Variants in TRPV4 observed in about 807,000 individuals in gnomAD.
TRPV4 encodes the protein transient receptor potential cation channel subfamily V member 4.
Under a neutral mutation model 84.1 loss-of-function variants are expected in TRPV4, and 58 were observed. That is an observed-to-expected ratio of 0.69 (90% CI 0.56 to 0.86). The LOEUF (loss-of-function observed/expected upper bound fraction) is 0.86, where lower values mean the gene tolerates loss of function less well. TRPV4 is among the 40% of genes least tolerant of loss of function. The pLI is 0.00. For synonymous variants in TRPV4, 489 were observed against 500.9 expected, an observed-to-expected ratio of 0.98 and a Z score of 0.32; for missense variants, 879 against 1,181.1, an observed-to-expected ratio of 0.74 and a Z score of 3.75.
In TRPV4 at chr12:109,814,880, C is replaced by T; in HGVS notation, c.-31-53G>A. 6.7e-7 allele frequency: 1 copy of T among 1,486,510 alleles called. No homozygotes were observed. Among genetic ancestry groups the T allele is most frequent in the Middle Eastern group, 2.3e-4 (1 of 4,256 alleles). 92.1% of individuals were successfully genotyped at this position (1,486,510 alleles called of 1,614,324 possible). ...CAGAACCCGGCCAGGGGCGGGGGCTCCAGGAAGCCCCCTCCCACGTGGACA... is the reference window on the plus strand; with the variant it reads ...CAGAACCCGGCCAGGGGCGGGGGCTTCAGGAAGCCCCCTCCCACGTGGACA... On this transcript the variant is annotated intron_variant, in intron 1 of 15. Coordinates refer to ENST00000261740, the MANE Select transcript of TRPV4 (RefSeq NM_021625.5). The surrounding 1 kb of genome is among the most constrained non-coding windows in gnomAD (Gnocchi z 5.4).
chr12:109,796,182 T>A lies in TRPV4; in HGVS notation c.1332+343A>T, dbSNP rs1358338250. Among the ~76,000 whole-genome samples the A allele has an allele frequency of 6.6e-6, 1 of 152,186 alleles. No individual in the cohort carries two copies. The highest frequency in any genetic ancestry group is 1.5e-5 in the Non-Finnish European group (1 of 68,034). The stretch of plus-strand genomic sequence containing the variant: ...TGGTCCTCCCAAGAACCCCATGGGA[T>A]ATCCATGATCCTTATCCCCAGGTTA... On this transcript the variant is annotated intron_variant, in intron 7 of 15. Coordinates refer to ENST00000261740, the MANE Select transcript of TRPV4 (RefSeq NM_021625.5). The surrounding 1 kb of genome is among the most constrained non-coding windows in gnomAD (Gnocchi z 4.2).
chr12:109,806,945 G>A (rs1432920821), intron 3 of TRPV4, among the ~76,000 whole-genome samples: 5 of 151,522 alleles, frequency 3.3e-5, no homozygotes, highest in African/African-American at 1.2e-4. Flanking sequence ...ACCCTGTTTG[G>A]GAACTTAATT....
chr12:109,822,923 G>A (rs976323153), intron 1 of TRPV4, among the ~76,000 whole-genome samples: 1 of 152,204 alleles, frequency 6.6e-6, no homozygotes, highest in African/African-American at 2.4e-5. Flanking sequence ...CTATTTATTA[G>A]TATCATTAGG....
At chr12:109,820,479 C>T (rs1180461859) in intron 1 of TRPV4, among the ~76,000 whole-genome samples, 1 of 149,682 alleles carries the variant, frequency 6.7e-6, no homozygotes, top group Non-Finnish European at 1.5e-5. Context: ...GAGCAAGTTA[C>T]CCAACCTCTC....
intron 3 of TRPV4, 118 bp downstream of exon 3, chr12:109,808,178 C>T: frequency 8.3e-7 from 1 of 1,204,022 alleles, no homozygotes; most frequent in East Asian, 2.5e-5. Flanking sequence ...GTGCACTTTC[C>T]AGGCCAATGC....
chr12:109,798,548 C>A lies in TRPV4; in HGVS notation c.1152+66G>T, dbSNP rs562202267. 70 of 1,584,528 alleles carry A rather than the reference C, an allele frequency of 4.4e-5. No individual in the cohort carries two copies. The highest frequency in any genetic ancestry group is 1.7e-4 in the Admixed American group (10 of 59,624). On this transcript the variant is annotated intron_variant, in intron 6 of 15. Coordinates refer to ENST00000261740, the MANE Select transcript of TRPV4 (RefSeq NM_021625.5). The surrounding 1 kb of genome is among the most constrained non-coding windows in gnomAD (Gnocchi z 5.0). ...ATTAATAATGAATACCAGCAGCAGA[C>A]CCTCGTGTGTGTGTGCAGAGGGGTA...
intron 5 of TRPV4, among the ~76,000 whole-genome samples, chr12:109,800,170 C>T (rs1463923738): frequency 6.6e-6 from 1 of 152,158 alleles, no homozygotes; most frequent in Non-Finnish European, 1.5e-5. Flanking sequence ...GTCTTGAACT[C>T]TTGACCTCAG....
At position 109,814,351 on chromosome 12, in the gene TRPV4, A is replaced by G. The variant is rs1265542356; in HGVS notation, c.386+60T>C. 20 of 1,580,192 alleles carry G rather than the reference A, an allele frequency of 1.3e-5. No homozygotes were observed. Among genetic ancestry groups the G allele is most frequent in the Non-Finnish European group, 1.4e-5 (16 of 1,159,044 alleles). On this transcript the variant is annotated intron_variant, in intron 2 of 15. Coordinates refer to ENST00000261740, the MANE Select transcript of TRPV4 (RefSeq NM_021625.5). The surrounding 1 kb of genome is among the most constrained non-coding windows in gnomAD (Gnocchi z 5.4). ...TGGATAATAGATAGAGGGGTGGATGATGAATGGGTGAATGGATACAGAGGA... is the reference window on the plus strand; with the variant it reads ...TGGATAATAGATAGAGGGGTGGATGGTGAATGGGTGAATGGATACAGAGGA...
Position 109,814,891 on chromosome 12 carries a change from C to A in TRPV4, c.-31-64G>T. 2 of 1,469,294 alleles carry A rather than the reference C, an allele frequency of 1.4e-6. No homozygotes were observed. Among genetic ancestry groups the A allele is most frequent in the Non-Finnish European group, 1.8e-6 (2 of 1,093,198 alleles). The allele number at this position is 1,469,294 out of a possible 1,614,324, so 91.0% of individuals were successfully genotyped here. ...CAGGGGCGGGGGCTCCAGGAAGCCC[C>A]CTCCCACGTGGACAAGCAGCAGTGC... On this transcript the variant is annotated intron_variant, in intron 1 of 15. Transcript: ENST00000261740. The surrounding 1 kb of genome is among the most constrained non-coding windows in gnomAD (Gnocchi z 5.4).
rs775385702 is a variant in TRPV4, at chr12:109,796,686, G to A, written c.1171C>T (p.Arg391Trp). 17 of 1,612,790 alleles carry A rather than the reference G, an allele frequency of 1.1e-5. No homozygotes were observed. Among genetic ancestry groups the A allele is most frequent in the South Asian group, 6.6e-5 (6 of 91,034 alleles). ...GKIGIFQHII[R>W]REVTDEDTRH... ...GTGTCCTCATCCGTCACCTCCCGCC[G>A]GATGATGTGCTGAAAGATCTGCACA... The change falls in exon 7 of 16, where the codon CGG (arginine) becomes TGG (tryptophan). Residue 391 changes from arginine to tryptophan, a missense_variant. Transcript: ENST00000261740. The surrounding 1 kb of genome is among the most constrained non-coding windows in gnomAD (Gnocchi z 4.2).
chr12:109,830,633 C>A (rs541040240), intron 1 of TRPV4, among the ~76,000 whole-genome samples: 1 of 152,296 alleles, frequency 6.6e-6, no homozygotes, highest in Admixed American at 6.5e-5. Flanking sequence ...TCTGTGACAA[C>A]AAGAGGAGCT....
At chr12:109,787,007 G>T (rs1442587548) in intron 13 of TRPV4, among the ~76,000 whole-genome samples, 170 bp from the exon 14 acceptor site, 1 of 152,202 alleles carries the variant, frequency 6.6e-6, no homozygotes, top group East Asian at 1.9e-4. Flanking sequence ...CAGGTGGCAG[G>T]CAGGAAAACA....
At chr12:109,784,124 G>A (rs1476563110) in intron 15 of TRPV4, among the ~76,000 whole-genome samples, 192 bp downstream of exon 15, 1 of 152,208 alleles carries the variant, frequency 6.6e-6, no homozygotes, top group Non-Finnish European at 1.5e-5. Context: ...TATGTCAACA[G>A]TAGGGAGGGC....
rs184413363 is a variant in TRPV4 at position 109,783,256 on chromosome 12, G to A, written c.*365C>T. 340 of 235,954 alleles carry A rather than the reference G, an allele frequency of 1.4e-3. 4 individuals are homozygous for A. Among genetic ancestry groups the A allele is most frequent in the African/African-American group, 6.6e-3 (294 of 44,280 alleles). 14.6% of individuals were successfully genotyped at this position (235,954 alleles called of 1,614,324 possible). On this transcript the variant is annotated 3_prime_UTR_variant, in exon 16 of 16. Coordinates refer to ENST00000261740, the MANE Select transcript of TRPV4 (RefSeq NM_021625.5). This position sits in a 1 kb window ranked among gnomAD's most constrained non-coding sequence, Gnocchi z 4.6. The stretch of plus-strand genomic sequence containing the variant: ...CGCAGGCTGAGGCTGGGGCTTGGCC[G>A]GGCAGTGCACTTGGAACGGGGTCCT...
In TRPV4 at chr12:109,814,674, C is replaced by T; in HGVS notation, c.123G>A (p.Glu41=). 1 of 1,612,912 alleles carries T rather than the reference C, an allele frequency of 6.2e-7. No individual in the cohort carries two copies. The highest frequency in any genetic ancestry group is 8.5e-7 in the Non-Finnish European group (1 of 1,179,674). The part of the protein sequence containing the change: ...FPLSSLANLF[E]GEDGSLSPSP... ...AGGGCGAAAGGGAGCCATCCTCCCC[C>T]TCAAACAGATTGGCCAGGGAGGAGA... The change falls in exon 2 of 16, where the codon GAG becomes GAA. Residue 41 remains glutamate (E), a synonymous_variant. Coordinates refer to ENST00000261740, the MANE Select transcript of TRPV4 (RefSeq NM_021625.5). The surrounding 1 kb of genome is among the most constrained non-coding windows in gnomAD (Gnocchi z 5.4).
chr12:109,817,013 G>A (rs1396248556), intron 1 of TRPV4, among the ~76,000 whole-genome samples: 3 of 152,138 alleles, frequency 2.0e-5, no homozygotes, highest in Admixed American at 6.5e-5. Flanking sequence ...GAGTGACCAC[G>A]CCTCCTCCTA....
At chr12:109,802,389 C>T (rs1177102735) in intron 4 of TRPV4, among the ~76,000 whole-genome samples, 2 of 151,564 alleles carry the variant, frequency 1.3e-5, no homozygotes, top group Non-Finnish European at 1.5e-5. Flanking sequence ...GCAACCTCCA[C>T]CTCCCAGGTT....
intron 1 of TRPV4, among the ~76,000 whole-genome samples, chr12:109,830,934 G>A (rs1229347912): frequency 2.6e-5 from 4 of 152,184 alleles, no homozygotes; most frequent in Admixed American, 2.6e-4. Flanking sequence ...CCTTCCAGCT[G>A]CCGCTCTCCA....
Position 109,798,938 on chromosome 12 carries a change from G to A in TRPV4, c.854-26C>T, listed in dbSNP as rs575299600. 1.9e-6 allele frequency: 3 copies of A among 1,596,688 alleles called. No individual in the cohort carries two copies. In the African/African-American group the frequency reaches 4.0e-5, roughly 21 times the overall value. On this transcript the variant is annotated intron_variant, in intron 5 of 15. Transcript: ENST00000261740. This position sits in a 1 kb window ranked among gnomAD's most constrained non-coding sequence, Gnocchi z 5.0. Reference sequence around the variant, plus strand: ...CTGCGGGCCAGGGTGAAGGGTGGGAGGTCAGCGAAGGGGGCCCAGGGTGGG... The same window carrying A: ...CTGCGGGCCAGGGTGAAGGGTGGGAAGTCAGCGAAGGGGGCCCAGGGTGGG...
Sources: gnomAD v4.1 joint callset for allele counts (sites outside exome capture counted in the v4.1 genomes callset) on GRCh38, gnomAD v4.1.1 for gene constraint, Gnocchi (gnomAD v3.1) non-coding constraint, MANE v1.5 for transcripts, NCBI Gene and HGNC (gene_info 2026-07-23, HGNC 2026-07-21) for gene names.